The following CEACAM19 variants were observed in gnomAD, a reference collection of about 807,000 sequenced individuals.
CEACAM19 encodes cell adhesion molecule CEACAM19.
CEACAM19 carries 37 observed loss-of-function variants against 37.6 expected under a neutral mutation model. That is an observed-to-expected ratio of 0.98 (90% CI 0.76 to 1.29). CEACAM19 has a LOEUF of 1.29. CEACAM19 is among the 50% of genes most tolerant of loss of function. The probability of loss-of-function intolerance (pLI) is 0.00; values close to 1 mark genes in which losing one functional copy is unlikely to be tolerated. For synonymous variants in CEACAM19, 140 were observed against 149.8 expected (o/e 0.93, Z 0.48); for missense variants, 340 against 375.6 (o/e 0.91, Z 0.78).
rs1241209258 is a variant in CEACAM19 at position 44,672,663 on chromosome 19, G to C, written c.123G>C (p.Glu41Asp). ...CTCTCTACATCCAGAAGATTCCAGA[G>C]CAGCCTCAAAAGAACCAGGACCTTC... is the stretch of plus-strand genomic sequence containing the variant. ...QAALYIQKIP[E>D]QPQKNQDLLL... is the part of the protein sequence containing the mutation. The change falls in exon 2 of 8, where the codon GAG (glutamate) becomes GAC (aspartate). Residue 41 changes from glutamate (E) to aspartate (D), a missense_variant. Glu to Asp is a conservative substitution (Grantham distance 45). Coordinates refer to ENST00000358777, the MANE Select transcript of CEACAM19 (RefSeq NM_001127893.3). The C allele has an allele frequency of 6.5e-7, 1 of 1,533,198 alleles. No homozygotes were observed. Among genetic ancestry groups the C allele is most frequent in the African/African-American group, 1.4e-5 (1 of 72,192 alleles). 95.0% of individuals were successfully genotyped at this position (1,533,198 alleles called of 1,614,324 possible).
At chr19:44,683,392 CCCCTCCA>C in intron 7 of CEACAM19, 38 bp from the exon 8 acceptor site, 1 of 805,930 alleles carries the variant, frequency 1.2e-6, no homozygotes, top group Non-Finnish European at 2.0e-6. Context: ...CAAGACTCTC[CCCCTCCA>C]CCCAGTCATA....
In CEACAM19 at chr19:44,681,325, C is replaced by T. The variant is rs937075420; in HGVS notation, c.792+13C>T. ...AAACCCAGCCCGGGTGAGTCCCGTC[C>T]CCAGCCTCTCCCCTGAAGCCAATGC... On this transcript the variant is annotated intron_variant, in intron 6 of 7. Transcript: ENST00000358777. 1.3e-6 allele frequency: 2 copies of T among 1,589,832 alleles called. No homozygotes were observed. The highest frequency in any genetic ancestry group is 1.7e-6 in the Non-Finnish European group (2 of 1,158,754).
intron 7 of CEACAM19, 34 bp downstream of exon 7, chr19:44,682,654 A>T (rs920044551): frequency 2.2e-5 from 35 of 1,569,622 alleles, no homozygotes; most frequent in Non-Finnish European, 3.0e-5. Flanking sequence ...GGTGGTGGGG[A>T]TCCCACGGAT....
Position 44,683,606 on chromosome 19 carries a change from A to G in CEACAM19, c.*116A>G. On this transcript the variant is annotated 3_prime_UTR_variant, in exon 8 of 8. Coordinates refer to ENST00000358777, the MANE Select transcript of CEACAM19 (RefSeq NM_001127893.3). ...GGGGGCTGTGGGGCCGATGAGGTGG[A>G]CTCAGCCAAAGACTCAGCAGCACAT... is the stretch of plus-strand genomic sequence containing the variant. 1 of 594,702 alleles carries G rather than the reference A, an allele frequency of 1.7e-6. No homozygotes were observed. The highest frequency in any genetic ancestry group is 2.9e-6 in the Non-Finnish European group (1 of 350,812). 36.8% of individuals were successfully genotyped at this position (594,702 alleles called of 1,614,324 possible). A position where few individuals can be genotyped will look rare whatever the true frequency, so the allele number is the denominator to read the frequency against.
chr19:44,680,648 C>T (rs115398285), intron 5 of CEACAM19, among the ~76,000 whole-genome samples: 222 of 152,184 alleles, frequency 1.5e-3, no homozygotes, highest in African/African-American at 5.1e-3. Context: ...TCCCAGCCTC[C>T]AGACCCCTCC....
At chr19:44,676,562 A>G (rs147510373) in intron 3 of CEACAM19, 141 bp downstream of exon 3, 2 of 789,394 alleles carry the variant, frequency 2.5e-6, no homozygotes, top group South Asian at 1.8e-5. Flanking sequence ...GAATCTTTCT[A>G]TCCTGTATTA....
chr19:44,672,401 G>A (rs935181147), intron 1 of CEACAM19, 195 bp from the exon 2 acceptor site: 2 of 549,312 alleles, frequency 3.6e-6, no homozygotes, highest in African/African-American at 3.8e-5. Context: ...TCAACAGGAT[G>A]GCAAATCTGT....
chr19:44,672,767 G>C lies in CEACAM19; in HGVS notation c.227G>C (p.Arg76Thr). The C allele has an allele frequency of 6.3e-7, 1 of 1,582,074 alleles. No individual in the cohort carries two copies. The highest frequency in any genetic ancestry group is 8.6e-7 in the Non-Finnish European group (1 of 1,162,664). Residue 76 changes from arginine to threonine, a missense_variant, in exon 2 of 8, where the codon AGG becomes ACG. Arg to Thr is a moderately conservative substitution (Grantham distance 71, BLOSUM62 -1). Coordinates refer to ENST00000358777, the MANE Select transcript of CEACAM19 (RefSeq NM_001127893.3). ...GGGGAGGAGACGTACGGAGGCACGAGGCTATTTACCTACATCCCTGGGATA... is the reference window on the plus strand; with the variant it reads ...GGGGAGGAGACGTACGGAGGCACGACGCTATTTACCTACATCCCTGGGATA... ...YLGEETYGGTRLFTYIPGIQR... is the reference protein window; with the variant it reads ...YLGEETYGGTTLFTYIPGIQR...
intron 1 of CEACAM19, 101 bp from the exon 2 acceptor site, chr19:44,672,495 C>G: frequency 7.9e-7 from 1 of 1,259,044 alleles, no homozygotes; most frequent in East Asian, 2.7e-5. Flanking sequence ...GAGCAGCACT[C>G]AGAGTCCTTG....
intron 2 of CEACAM19, among the ~76,000 whole-genome samples, chr19:44,674,495 G>A (rs1433774270): frequency 6.6e-6 from 1 of 151,762 alleles, no homozygotes; most frequent in Non-Finnish European, 1.5e-5. Context: ...CCACCTCCTG[G>A]GCTCAAGCGA....
rs139156052 is a variant in CEACAM19 at position 44,676,213 on chromosome 19, G to T, written c.425-58G>T. The T allele has an allele frequency of 7.7e-6, 12 of 1,555,118 alleles. No individual in the cohort carries two copies. In the African/African-American group the frequency reaches 1.5e-4, roughly 19 times the overall value. On this transcript the variant is annotated intron_variant, in intron 2 of 7. Coordinates refer to ENST00000358777, the MANE Select transcript of CEACAM19 (RefSeq NM_001127893.3). Reference sequence around the variant, plus strand: ...TGATATAGTCGGTGAGGGACTGGGGGAGCCCTCAGGAGACATCGCACAGTC... The same window carrying T: ...TGATATAGTCGGTGAGGGACTGGGGTAGCCCTCAGGAGACATCGCACAGTC...
intron 2 of CEACAM19, among the ~76,000 whole-genome samples, chr19:44,673,469 G>A (rs1171596818): frequency 1.3e-5 from 2 of 152,088 alleles, no homozygotes; most frequent in Non-Finnish European, 2.9e-5. Flanking sequence ...TTTTGTATTG[G>A]CCAGTTCTTA....
intron 4 of CEACAM19, 106 bp from the exon 5 acceptor site, chr19:44,680,182 A>T: frequency 1.2e-6 from 1 of 854,154 alleles, no homozygotes; most frequent in East Asian, 2.4e-5. Context: ...AGGAGAGACC[A>T]TGTGGCTTTC....
At chr19:44,668,252 ATATT>A (rs1455230445), upstream of CEACAM19, among the ~76,000 whole-genome samples, 1 of 82,042 alleles carries the variant, frequency 1.2e-5, no homozygotes, top group Non-Finnish European at 2.0e-5. Context: ...ATATGTTTAT[ATATT>A]ATTATATTTA....
At chr19:44,680,015 A>C (rs779070520) in intron 4 of CEACAM19, among the ~76,000 whole-genome samples, 1 of 152,216 alleles carries the variant, frequency 6.6e-6, no homozygotes, top group African/African-American at 2.4e-5. Flanking sequence ...AGACAGGTGG[A>C]TGAAGCAGGA....
intron 6 of CEACAM19, 45 bp downstream of exon 6, chr19:44,681,357 G>A: frequency 1.5e-6 from 2 of 1,357,648 alleles, no homozygotes; most frequent in Non-Finnish European, 2.1e-6. Flanking sequence ...ATGCTAACAG[G>A]CGCCTCCTCT....
At chr19:44,670,082 G>A (rs1459655517), upstream of CEACAM19, among the ~76,000 whole-genome samples, 2 of 152,158 alleles carry the variant, frequency 1.3e-5, no homozygotes, top group Admixed American at 1.3e-4. Flanking sequence ...AGTACTTTGG[G>A]AGGCTAAGGT....
intron 3 of CEACAM19, 97 bp from the exon 4 acceptor site, chr19:44,678,756 C>G: frequency 6.6e-7 from 1 of 1,516,894 alleles, no homozygotes; most frequent in Admixed American, 1.9e-5. Flanking sequence ...CACCCCCTCC[C>G]CCCTCTCCAT....
upstream of CEACAM19, among the ~76,000 whole-genome samples, chr19:44,666,686 C>T (rs1299705710): frequency 6.6e-6 from 1 of 151,970 alleles, no homozygotes; most frequent in Non-Finnish European, 1.5e-5. Context: ...TCTGAGGGTA[C>T]TCTGACCCCA....
Sources: gnomAD v4.1 joint callset for allele counts (sites outside exome capture counted in the v4.1 genomes callset) on GRCh38, gnomAD v4.1.1 for gene constraint, MANE v1.5 for transcripts, NCBI Gene and HGNC (gene_info 2026-07-23, HGNC 2026-07-21) for gene names.